The following HERC1 variants were observed in gnomAD, a reference collection of about 807,000 sequenced individuals.
HERC1 encodes the protein probable E3 ubiquitin-protein ligase HERC1.
HERC1 carries 160 observed loss-of-function variants against 554.3 expected under a neutral mutation model. The ratio of observed to expected loss-of-function variants is 0.29; its 90% CI spans 0.25 to 0.33. HERC1 has a LOEUF of 0.33. HERC1 is among the 10% of genes least tolerant of loss of function. HERC1 has a pLI of 1.00. For synonymous variants in HERC1, 2,175 were observed against 2,131.7 expected, an observed-to-expected ratio of 1.02 and a Z score of -0.56; for missense variants, 4,919 against 5,918.5, an observed-to-expected ratio of 0.83 and a Z score of 5.54.
At chr15:63,626,267 C>A in intron 70 of HERC1, 113 bp from the exon 71 acceptor site, 1 of 944,038 alleles carries the variant, frequency 1.1e-6, no homozygotes, top group South Asian at 1.6e-5. Context: ...AATGGACACC[C>A]ATTCAAACCT....
intron 61 of HERC1, 29 bp from the exon 62 acceptor site, chr15:63,638,805 A>G: frequency 6.4e-7 from 1 of 1,571,892 alleles, no homozygotes; most frequent in Non-Finnish European, 8.8e-7. Flanking sequence ...ATAATGATCA[A>G]TTCTGCTTAG....
intron 1 of HERC1, among the ~76,000 whole-genome samples, chr15:63,793,189 G>A (rs1596269851): frequency 6.6e-6 from 1 of 152,302 alleles, no homozygotes; most frequent in East Asian, 1.9e-4. Context: ...ATAAGGCTGA[G>A]ACCTACCAGG....
intron 4 of HERC1, among the ~76,000 whole-genome samples, chr15:63,757,908 C>A (rs2075483566): frequency 6.6e-6 from 1 of 151,710 alleles, no homozygotes; most frequent in South Asian, 2.1e-4. Context: ...TAGGGTTTCA[C>A]CATATTGGCC....
chr15:63,712,893 C>T lies in HERC1; in HGVS notation c.4466G>A (p.Ser1489Asn). The T allele has an allele frequency of 1.2e-6, 2 of 1,612,004 alleles. No individual in the cohort carries two copies. The highest frequency in any genetic ancestry group is 2.2e-5 in the East Asian group (1 of 44,838). The part of the protein sequence containing the change: ...ASEGGGLMTR[S>N]ESLTAESRLV... ...CCGGCTCTCTGCAGTAAGACTTTCA[C>T]TCCTGTCTCACATGTACAAAAAAAA... The change falls in exon 24 of 78, where the codon AGT (serine) becomes AAT (asparagine). Residue 1489 changes from serine (S) to asparagine (N), a missense_variant and splice_region_variant. Ser to Asn is a conservative substitution (Grantham distance 46). Around this residue, in one of 11 missense-constraint regions of HERC1, gnomAD observed 1,121 missense variants for 1,244.0 expected, o/e 0.90. Transcript: ENST00000443617.
rs1225566436 is a variant in HERC1 at position 63,677,142 on chromosome 15, A to G, written c.7070+703T>C. 2.0e-5 allele frequency among the ~76,000 whole-genome samples: 3 copies of G among 152,180 alleles called. No individual in the cohort carries two copies. The highest frequency in any genetic ancestry group is 7.2e-5 in the African/African-American group (3 of 41,456). ...AACCTGAAACTTTTTGAGCACCAAC[A>G]TGATGCTCAATGGAAATATTCATTG... is the stretch of plus-strand genomic sequence containing the variant. On this transcript the variant is annotated intron_variant, in intron 37 of 77. Coordinates refer to ENST00000443617, the MANE Select transcript of HERC1 (RefSeq NM_003922.4). The surrounding 1 kb of genome is among the most constrained non-coding windows in gnomAD (Gnocchi z 4.4).
Position 63,672,598 on chromosome 15 carries a change from C to T in HERC1, c.7943G>A (p.Ser2648Asn). The T allele has an allele frequency of 6.2e-7, 1 of 1,612,496 alleles. No homozygotes were observed. ...PSASSTTSFM[S>N]SSLEDTTTAT... ...AGTTGTGGTGTCCTCCAGAGAGCTG[C>T]TCATAAAGGAGGTCGTGCTTGAGGC... Residue 2648 changes from serine (S) to asparagine (N), a missense_variant, in exon 39 of 78, where the codon AGC becomes AAC. Around this residue, in one of 11 missense-constraint regions of HERC1, gnomAD observed 1,963 missense variants for 2,228.6 expected, o/e 0.88. Transcript: ENST00000443617.
intron 2 of HERC1, among the ~76,000 whole-genome samples, chr15:63,766,028 C>T (rs916112423): frequency 4.6e-5 from 7 of 152,010 alleles, no homozygotes; most frequent in South Asian, 2.1e-4. Context: ...AATTGATTTG[C>T]GACCTGTCTC....
In HERC1 at chr15:63,713,523, A is replaced by G. The variant is rs61749474; in HGVS notation, c.4293T>C (p.Leu1431=). The change falls in exon 23 of 78, where the codon CTT becomes CTC. Residue 1431 remains leucine (L), a synonymous_variant. Transcript: ENST00000443617. ...SQQERRVSTD[L]PEGQDVYTAA... ...CAGTGTACACATCCTGACCCTCAGG[A>G]AGGTCTGTGCTGACCCTTCGCTCTT... 53,770 of 1,613,956 alleles carry G rather than the reference A, an allele frequency of 0.033. 1,059 individuals carry two copies. Among genetic ancestry groups the G allele is most frequent in the Non-Finnish European group, 0.038 (44,255 of 1,179,862 alleles).
intron 2 of HERC1, 104 bp from the exon 3 acceptor site, chr15:63,764,295 T>A: frequency 1.4e-6 from 1 of 736,500 alleles, no homozygotes; most frequent in South Asian, 1.7e-5. Context: ...AAGACCTGTT[T>A]ATATAATTAT....
intron 12 of HERC1, among the ~76,000 whole-genome samples, chr15:63,744,164 G>GTGTGTGTGTGTGTCTCTC: frequency 2.8e-4 from 13 of 46,304 alleles, no homozygotes; most frequent in East Asian, 1.5e-3. Flanking sequence ...GTGTGTGTGT[G>GTGTGTGTGTGTGTCTCTC]TCTCTCTCTC....
In HERC1 at chr15:63,635,974, T is replaced by G; in HGVS notation, c.12401A>C (p.Glu4134Ala). ...TTCCTGCCTGACCTGCACCACTTCT[T>G]CTCCTTGTAAGGCCTCGATCTGCCT... ...RPRQIEALQG[E>A]EVVQMSCGFK... The change falls in exon 65 of 78, where the codon GAA (glutamate) becomes GCA (alanine). Residue 4134 changes from glutamate (E) to alanine (A), a missense_variant. Coordinates refer to ENST00000443617, the MANE Select transcript of HERC1 (RefSeq NM_003922.4). 6.2e-7 allele frequency: 1 copy of G among 1,613,950 alleles called. No homozygotes were observed. The highest frequency in any genetic ancestry group is 8.5e-7 in the Non-Finnish European group (1 of 1,179,858).
chr15:63,762,908 A>C (rs564340531), intron 3 of HERC1, among the ~76,000 whole-genome samples: 3 of 152,178 alleles, frequency 2.0e-5, no homozygotes, highest in Non-Finnish European at 4.4e-5. Flanking sequence ...CCTTGCTTCT[A>C]GCTCTCCTAG....
chr15:63,814,154 T>C (rs2145435442), intron 1 of HERC1, among the ~76,000 whole-genome samples: 1 of 152,320 alleles, frequency 6.6e-6, no homozygotes, highest in Admixed American at 6.5e-5. Flanking sequence ...TTTCTGTATA[T>C]AAATAGACCT....
Position 63,638,714 on chromosome 15 carries a change from A to T in HERC1, c.11964T>A (p.Pro3988=). The change falls in exon 62 of 78, where the codon CCT becomes CCA. Residue 3988 remains proline (P), a synonymous_variant. Coordinates refer to ENST00000443617, the MANE Select transcript of HERC1 (RefSeq NM_003922.4). ...AGTTATCTTCATCTTTACTGACCTC[A>T]GGTCTGGAAGTTGCCCAAGACATAA... ...EQIMSWATSR[P]EDWHLGGKCD... 1.2e-6 allele frequency: 2 copies of T among 1,611,728 alleles called. No homozygotes were observed. The highest frequency in any genetic ancestry group is 1.7e-6 in the Non-Finnish European group (2 of 1,177,844).
At chr15:63,753,229 G>A (rs868279004) in intron 7 of HERC1, 144 bp from the exon 8 acceptor site, 6 of 492,980 alleles carry the variant, frequency 1.2e-5, no homozygotes, top group African/African-American at 2.0e-5. Flanking sequence ...AGCTGAGGAT[G>A]TTAACAAACG....
At chr15:63,678,851 C>T (rs1417111130) in intron 36 of HERC1, among the ~76,000 whole-genome samples, 1 of 152,136 alleles carries the variant, frequency 6.6e-6, no homozygotes, top group Non-Finnish European at 1.5e-5. Flanking sequence ...CAAATCATAA[C>T]TCTGTATAAT....
At chr15:63,684,837 A>C (rs1326660326) in intron 34 of HERC1, among the ~76,000 whole-genome samples, 2 of 152,022 alleles carry the variant, frequency 1.3e-5, no homozygotes, top group South Asian at 4.1e-4. Context: ...GCAAAACCCT[A>C]TCTCTACTAA....
intron 1 of HERC1, among the ~76,000 whole-genome samples, chr15:63,815,266 C>T (rs1317417297): frequency 1.3e-5 from 2 of 152,226 alleles, no homozygotes; most frequent in African/African-American, 4.8e-5. Flanking sequence ...ACGCTCTCCA[C>T]CTTCCATATC....
intron 8 of HERC1, chr15:63,752,676 T>A: frequency 4.2e-6 from 1 of 240,916 alleles, no homozygotes; most frequent in Non-Finnish European, 8.1e-6. Flanking sequence ...CATAATGTTT[T>A]AGAAAAGGTT....
Sources: allele counts gnomAD v4.1 joint callset (sites outside exome capture counted in the v4.1 genomes callset), GRCh38; gene constraint gnomAD v4.1.1; regional missense constraint gnomAD v4.1.1; non-coding constraint Gnocchi (gnomAD v3.1); transcripts MANE v1.5; gene names NCBI Gene and HGNC (gene_info 2026-07-23, HGNC 2026-07-21).